The following KATNIP variants were observed in gnomAD, a reference collection of about 807,000 sequenced individuals.
KATNIP encodes the protein katanin-interacting protein.
A neutral mutation model predicts 174.0 loss-of-function variants in KATNIP; 126 were observed. The ratio of observed to expected loss-of-function variants is 0.72; its 90% CI spans 0.63 to 0.84. The LOEUF (loss-of-function observed/expected upper bound fraction) is 0.84. KATNIP is among the 40% of genes least tolerant of loss of function. The probability of loss-of-function intolerance (pLI) is 0.00; values close to 1 mark genes in which losing one functional copy is unlikely to be tolerated. For missense variants in KATNIP, 1,958 were observed against 2,109.7 expected, an observed-to-expected ratio of 0.93 and a Z score of 1.41; for synonymous variants, 810 against 835.7, an observed-to-expected ratio of 0.97 and a Z score of 0.53.
At chr16:27,713,948 G>T (rs1454034698) in intron 13 of KATNIP, among the ~76,000 whole-genome samples, 1 of 147,600 alleles carries the variant, frequency 6.8e-6, no homozygotes, top group East Asian at 2.0e-4. Context: ...TTTCCCCATG[G>T]CCTGGAGGCT....
intron 19 of KATNIP, among the ~76,000 whole-genome samples, chr16:27,765,171 A>G (rs2082079490): frequency 6.6e-6 from 1 of 152,220 alleles, no homozygotes; most frequent in Non-Finnish European, 1.5e-5. Flanking sequence ...AAAGGCTGCC[A>G]GCTGGGCCCT....
At chr16:27,710,767 G>A (rs1419762997) in intron 13 of KATNIP, among the ~76,000 whole-genome samples, 2 of 152,110 alleles carry the variant, frequency 1.3e-5, no homozygotes, top group African/African-American at 2.4e-5. Context: ...CCAAAGTGCT[G>A]GAATTACGGG....
chr16:27,722,948 A>G (rs1427374152), intron 14 of KATNIP, among the ~76,000 whole-genome samples: 3 of 152,222 alleles, frequency 2.0e-5, no homozygotes, highest in Admixed American at 6.5e-5. Context: ...AGCCTGCCCT[A>G]GACTGCGTGG....
At chr16:27,703,382 A>G (rs1266219386) in intron 11 of KATNIP, among the ~76,000 whole-genome samples, 1 of 152,190 alleles carries the variant, frequency 6.6e-6, no homozygotes. Flanking sequence ...TTAGAATGCC[A>G]TGTCCTCAGA....
chr16:27,732,003 G>A (rs114060136), intron 14 of KATNIP, among the ~76,000 whole-genome samples: 56 of 152,274 alleles, frequency 3.7e-4, no homozygotes, highest in African/African-American at 1.3e-3. Context: ...ACATGTTAGC[G>A]CCGACCCGGT....
chr16:27,654,752 A>G, intron 6 of KATNIP: 1 of 1,351,972 alleles, frequency 7.4e-7, no homozygotes, highest in African/African-American at 1.5e-5. Flanking sequence ...ATCAGTTTTC[A>G]GCATCCTAAC....
At chr16:27,579,288 C>T (rs946291817) in intron 2 of KATNIP, among the ~76,000 whole-genome samples, 9 of 152,142 alleles carry the variant, frequency 5.9e-5, no homozygotes, top group Admixed American at 3.9e-4. Context: ...TGAATTAATA[C>T]CTCCAGTTTG....
intron 23 of KATNIP, among the ~76,000 whole-genome samples, chr16:27,774,291 G>A (rs944628222): frequency 4.6e-5 from 7 of 152,164 alleles, no homozygotes; most frequent in Non-Finnish European, 4.4e-5. Flanking sequence ...ACTCCTCGAA[G>A]CTATAAAGTT....
intron 15 of KATNIP, among the ~76,000 whole-genome samples, chr16:27,742,156 CAGGG>C (rs1427573737): frequency 6.6e-6 from 1 of 152,076 alleles, no homozygotes; most frequent in African/African-American, 2.4e-5. Flanking sequence ...CCCATCAAGG[CAGGG>C]AGTCTCAATA....
intron 1 of KATNIP, among the ~76,000 whole-genome samples, chr16:27,568,858 A>G (rs913794386): frequency 1.3e-5 from 2 of 152,122 alleles, no homozygotes; most frequent in African/African-American, 4.8e-5. Context: ...TTTATTCTCC[A>G]AAACCTGACC....
At chr16:27,690,795 G>A (rs1378606994) in intron 8 of KATNIP, among the ~76,000 whole-genome samples, 1 of 152,178 alleles carries the variant, frequency 6.6e-6, no homozygotes, top group Non-Finnish European at 1.5e-5. Context: ...GGGGTGCACT[G>A]TGGAAACTGG....
chr16:27,658,856 G>A (rs574487761), intron 6 of KATNIP, among the ~76,000 whole-genome samples: 11 of 152,184 alleles, frequency 7.2e-5, no homozygotes, highest in East Asian at 1.9e-4. Flanking sequence ...TCTGCCTTCC[G>A]GGTTCAAGCA....
intron 8 of KATNIP, among the ~76,000 whole-genome samples, chr16:27,690,748 A>G (rs1380539971): frequency 6.6e-6 from 1 of 152,184 alleles, no homozygotes; most frequent in Non-Finnish European, 1.5e-5. Flanking sequence ...CATAGTGTAC[A>G]GTTTCAAGGC....
chr16:27,773,400 A>G (rs1036446197), intron 23 of KATNIP, among the ~76,000 whole-genome samples, 191 bp downstream of exon 23: 4 of 152,208 alleles, frequency 2.6e-5, no homozygotes, highest in African/African-American at 7.2e-5. Flanking sequence ...CCTGCCTGCT[A>G]AGACATCAGG....
intron 2 of KATNIP, among the ~76,000 whole-genome samples, chr16:27,583,768 C>G (rs1325270015): frequency 6.6e-6 from 1 of 152,184 alleles, no homozygotes; most frequent in Non-Finnish European, 1.5e-5. Flanking sequence ...CCAGCTTCTG[C>G]AAAATAAGAG....
intron 2 of KATNIP, among the ~76,000 whole-genome samples, chr16:27,584,916 GC>G (rs2090836895): frequency 1.3e-5 from 2 of 152,278 alleles, no homozygotes; most frequent in East Asian, 1.9e-4. Flanking sequence ...GAGACAGCCT[GC>G]CCTGGGTAAC....
chr16:27,727,918 A>G (rs1032395007), intron 14 of KATNIP: 15 of 147,986 alleles, frequency 1.0e-4, no homozygotes, highest in Admixed American at 9.4e-4. Context: ...TGATGGCACT[A>G]TCGTGCATGG....
At chr16:27,709,113 G>A (rs2079453977) in intron 13 of KATNIP, 193 bp downstream of exon 13, 1 of 525,766 alleles carries the variant, frequency 1.9e-6, no homozygotes, top group Non-Finnish European at 3.4e-6. Flanking sequence ...GAGGTCAGGA[G>A]TTCAAGACCA....
intron 8 of KATNIP, among the ~76,000 whole-genome samples, chr16:27,690,309 C>T (rs1419998478): frequency 8.2e-6 from 1 of 121,790 alleles, no homozygotes; most frequent in Non-Finnish European, 1.8e-5. Context: ...GAGTGAGACC[C>T]CATCTCAGAT....
Sources: gnomAD v4.1 joint callset for allele counts (sites outside exome capture counted in the v4.1 genomes callset) on GRCh38, gnomAD v4.1.1 for gene constraint, MANE v1.5 for transcripts, NCBI Gene and HGNC (gene_info 2026-07-23, HGNC 2026-07-21) for gene names.